The following PTCH2 variants were observed in gnomAD, a reference collection of about 807,000 sequenced individuals.
The protein encoded by PTCH2 is patched 2, also known as protein patched homolog 2.
Under a neutral mutation model 117.9 loss-of-function variants are expected in PTCH2, and 96 were observed. The ratio of observed to expected loss-of-function variants is 0.81; its 90% CI spans 0.69 to 0.96. The LOEUF (loss-of-function observed/expected upper bound fraction) is 0.96, where lower values mean the gene tolerates loss of function less well. Among genes scored for constraint, PTCH2 ranks in the 50% least tolerant of loss-of-function variants. The pLI is 0.00. For synonymous variants in PTCH2, 615 were observed against 660.9 expected (o/e 0.93, Z 1.06); for missense variants, 1,379 against 1,562.5 (o/e 0.88, Z 1.98).
At chr1:44,839,131 T>C (rs1481363807) in intron 2 of PTCH2, among the ~76,000 whole-genome samples, 1 of 151,998 alleles carries the variant, frequency 6.6e-6, no homozygotes, top group Non-Finnish European at 1.5e-5. Context: ...TCCCAGCACT[T>C]TGGGAGGCCA....
downstream of PTCH2, among the ~76,000 whole-genome samples, chr1:44,821,427 G>A (rs1652907191): frequency 6.6e-6 from 1 of 152,212 alleles, no homozygotes; most frequent in Non-Finnish European, 1.5e-5. Context: ...TGCCTTGGAG[G>A]TTGCTCTGGA....
intron 6 of PTCH2, 66 bp downstream of exon 6, chr1:44,830,782 C>T: frequency 6.8e-7 from 1 of 1,467,976 alleles, no homozygotes; most frequent in Non-Finnish European, 9.2e-7. Context: ...CCCCAGAACA[C>T]AGGAGTATGA....
rs368278021 is a variant in PTCH2, at chr1:44,828,143, G to C, written c.1758C>G (p.Asp586Glu). The change falls in exon 14 of 22, where the codon GAC (aspartate) becomes GAG (glutamate). Residue 586 changes from aspartate to glutamate, a missense_variant. Coordinates refer to ENST00000372192, the MANE Select transcript of PTCH2 (RefSeq NM_003738.5). Reference sequence around the variant, plus strand: ...GGGCAATGCCCACTGGTACTGTCCCGTCCCCCAGCTCCTGGGGCAGGATCT... The same window carrying C: ...GGGCAATGCCCACTGGTACTGTCCCCTCCCCCAGCTCCTGGGGCAGGATCT... ...VIQILPQELG[D>E]GTVPVGIAHL... 6.2e-7 allele frequency: 1 copy of C among 1,613,934 alleles called. No individual in the cohort carries two copies. Among genetic ancestry groups the C allele is most frequent in the Non-Finnish European group, 8.5e-7 (1 of 1,180,042 alleles).
chr1:44,826,509 G>GT lies in PTCH2; in HGVS notation c.2954dup (p.Asn985LysfsTer47), dbSNP rs1653151229. ...TCACTATGAGGCCAGCCGTCCAGGGGTTGAGGAGCAGCAGAGCACAGACGA... is the reference window on the plus strand; with the variant it reads ...TCACTATGAGGCCAGCCGTCCAGGGGTTTGAGGAGCAGCAGAGCACAGACGA... On this transcript the variant is annotated frameshift_variant, in exon 18 of 22. Transcript: ENST00000372192. LOFTEE classifies it high-confidence loss of function. This position sits in a 1 kb window ranked among gnomAD's most constrained non-coding sequence, Gnocchi z 5.1. The GT allele has an allele frequency of 6.2e-7, 1 of 1,613,806 alleles. No individual in the cohort carries two copies. Among genetic ancestry groups the GT allele is most frequent in the Non-Finnish European group, 8.5e-7 (1 of 1,180,024 alleles).
chr1:44,840,766 T>G (rs1653913225), intron 2 of PTCH2, among the ~76,000 whole-genome samples: 1 of 151,872 alleles, frequency 6.6e-6, no homozygotes, highest in Non-Finnish European at 1.5e-5. Flanking sequence ...TGGTGGCTTA[T>G]GCCTGTAGTC....
chr1:44,829,242 C>G lies in PTCH2; in HGVS notation c.1286G>C (p.Gly429Ala), dbSNP rs745977182. 4 of 1,613,426 alleles carry G rather than the reference C, an allele frequency of 2.5e-6. No homozygotes were observed. The Admixed American group carries it at 5.0e-5, about 20-fold the overall frequency. ...CACCGCCAGGGCCACCAGCAGTACCCCGGCAAGGCCCACGGAACCCTGGGA... is the reference window on the plus strand; with the variant it reads ...CACCGCCAGGGCCACCAGCAGTACCGCGGCAAGGCCCACGGAACCCTGGGA... ...AQSQGSVGLA[G>A]VLLVALAVAS... The change falls in exon 10 of 22, where the codon GGG becomes GCG. Residue 429 changes from glycine to alanine, a missense_variant. Transcript: ENST00000372192.
Position 44,827,611 on chromosome 1 carries a change from G to A in PTCH2, c.2162C>T (p.Thr721Ile), listed in dbSNP as rs1653221535. The change falls in exon 15 of 22, where the codon ACC (threonine) becomes ATC (isoleucine). Residue 721 changes from threonine (T) to isoleucine (I), a missense_variant. By Grantham distance (89) the Thr-to-Ile change is moderately conservative. Coordinates refer to ENST00000372192, the MANE Select transcript of PTCH2 (RefSeq NM_003738.5). ...LALTDVVPRG[T>I]KEHAFLSAQL... Reference sequence around the variant, plus strand: ...GGCGCTCAGGAAGGCATGCTCCTTGGTGCCCCGAGGCACCACATCCGTCAG... The same window carrying A: ...GGCGCTCAGGAAGGCATGCTCCTTGATGCCCCGAGGCACCACATCCGTCAG... 1.9e-6 allele frequency: 3 copies of A among 1,613,874 alleles called. No individual in the cohort carries two copies. Among genetic ancestry groups the A allele is most frequent in the Admixed American group, 3.3e-5 (2 of 60,030 alleles).
At chr1:44,833,530 G>A (rs1653550853) in intron 2 of PTCH2, among the ~76,000 whole-genome samples, 1 of 149,568 alleles carries the variant, frequency 6.7e-6, no homozygotes, top group South Asian at 2.1e-4. Context: ...TCGACTTCCT[G>A]GGCTCAGGTG....
rs1573640388 is a variant in PTCH2 at position 44,823,976 on chromosome 1, C to A, written c.3115-591G>T. 6.6e-6 allele frequency among the ~76,000 whole-genome samples: 1 copy of A among 151,392 alleles called. No individual in the cohort carries two copies. The highest frequency in any genetic ancestry group is 1.9e-4 in the East Asian group (1 of 5,188). On this transcript the variant is annotated intron_variant, in intron 19 of 21. Transcript: ENST00000372192. This position sits in a 1 kb window ranked among gnomAD's most constrained non-coding sequence, Gnocchi z 5.1. ...AACAAACAAACAAACATAGGTTGGG[C>A]AAACTACAGCCTGTCACTTGTTTTG... is the stretch of plus-strand genomic sequence containing the variant.
At position 44,842,895 on chromosome 1, in the gene PTCH2, C is replaced by T. The variant is rs1654018544; in HGVS notation, c.38G>A (p.Ser13Asn). 2 of 1,550,546 alleles carry T rather than the reference C, an allele frequency of 1.3e-6. No individual in the cohort carries two copies. Among genetic ancestry groups the T allele is most frequent in the Non-Finnish European group, 1.7e-6 (2 of 1,146,436 alleles). The change falls in exon 1 of 22, where the codon AGT becomes AAT. Residue 13 changes from serine (S) to asparagine (N), a missense_variant. Coordinates refer to ENST00000372192, the MANE Select transcript of PTCH2 (RefSeq NM_003738.5). ...TGCGGTTCGAGCTGGGGGTGTGTAA[C>T]TCGGGGGCAGCTCTCTGAGGGGCGG... Reference protein sequence around the residue: ...RSPPLRELPPSYTPPARTAAP... With the variant: ...RSPPLRELPPNYTPPARTAAP...
rs771295585 is a variant in PTCH2, at chr1:44,829,456, C to CA, written c.1160dup (p.His388AlafsTer5). ...CAGCACTGACTTCAGAGAACGCATG[C>CA]AGGATGTCATCCAGGGTGGTGGAGG... On this transcript the variant is annotated frameshift_variant, in exon 9 of 22. Transcript: ENST00000372192. LOFTEE classifies it high-confidence loss of function. The CA allele has an allele frequency of 6.2e-7, 1 of 1,614,208 alleles. No homozygotes were observed. Among genetic ancestry groups the CA allele is most frequent in the South Asian group, 1.1e-5 (1 of 91,086 alleles).
Position 44,826,185 on chromosome 1 carries a change from C to A in PTCH2, c.3114+65G>T, listed in dbSNP as rs368897224. 14 of 1,573,298 alleles carry A rather than the reference C, an allele frequency of 8.9e-6. No homozygotes were observed. The African/African-American group carries it at 1.8e-4, about 20-fold the overall frequency. ...AATAGTACCTAGCACATAGTAGGGG[C>A]TTGAACAATATGTGTTGAATACTGA... is the stretch of plus-strand genomic sequence containing the variant. On this transcript the variant is annotated intron_variant, in intron 19 of 21. Transcript: ENST00000372192. This position sits in a 1 kb window ranked among gnomAD's most constrained non-coding sequence, Gnocchi z 5.1.
At chr1:44,822,938 C>T (rs1557641324) in intron 21 of PTCH2, 131 bp downstream of exon 21, 1 of 1,078,594 alleles carries the variant, frequency 9.3e-7, no homozygotes, top group Non-Finnish European at 1.4e-6. Flanking sequence ...GAGGAGGCTG[C>T]CACCTTCAGC....
chr1:44,821,451 C>A (rs1652908146), downstream of PTCH2, among the ~76,000 whole-genome samples: 2 of 152,328 alleles, frequency 1.3e-5, no homozygotes, highest in East Asian at 1.9e-4. Context: ...TGGCTCCTTT[C>A]CCTGGGTCCA....
chr1:44,830,766 C>T, intron 6 of PTCH2, 82 bp downstream of exon 6: 1 of 1,401,350 alleles, frequency 7.1e-7, no homozygotes, highest in Non-Finnish European at 9.6e-7. Flanking sequence ...ACAGAGCAGT[C>T]AGCTCCCCCA....
chr1:44,841,202 CA>C (rs397750666), intron 2 of PTCH2, among the ~76,000 whole-genome samples: 23 of 149,430 alleles, frequency 1.5e-4, no homozygotes, highest in East Asian at 4.0e-4. Flanking sequence ...CAACCCCCCC[CA>C]AAAAAAAACC....
chr1:44,836,152 C>T (rs11573560), intron 2 of PTCH2, among the ~76,000 whole-genome samples: 4,278 of 152,240 alleles, frequency 0.028, 84 homozygotes, highest in Non-Finnish European at 0.045. Context: ...CTGGGCTCCT[C>T]CCCAGCATCA....
Position 44,826,557 on chromosome 1 carries a change from G to A in PTCH2, c.2907C>T (p.Cys969=), listed in dbSNP as rs1360008933. 1.2e-6 allele frequency: 2 copies of A among 1,613,682 alleles called. No individual in the cohort carries two copies. The highest frequency in any genetic ancestry group is 1.7e-5 in the Admixed American group (1 of 60,026). Residue 969 remains cysteine (C), a synonymous_variant, in exon 18 of 22, where the codon TGC becomes TGT. Coordinates refer to ENST00000372192, the MANE Select transcript of PTCH2 (RefSeq NM_003738.5). The surrounding 1 kb of genome is among the most constrained non-coding windows in gnomAD (Gnocchi z 5.1). ...GLRRCFLLAV[C]ILLVCTFLVC... The stretch of plus-strand genomic sequence containing the variant: ...CGAGGAAAGTGCACACCAGCAGGAT[G>A]CAGACGGCCAGCAGGAAGCAGCGCC...
At chr1:44,819,936 C>T (rs567801023), downstream of PTCH2, 192 of 153,448 alleles carry the variant, frequency 1.3e-3, 2 homozygotes, top group Non-Finnish European at 2.3e-3. Flanking sequence ...ACAACTTTCT[C>T]TCCACGGAAA....
Sources: allele counts gnomAD v4.1 joint callset (sites outside exome capture counted in the v4.1 genomes callset), GRCh38; gene constraint gnomAD v4.1.1; non-coding constraint Gnocchi (gnomAD v3.1); transcripts MANE v1.5; gene names NCBI Gene and HGNC (gene_info 2026-07-23, HGNC 2026-07-21).